Variants in OR2T11 observed in about 807,000 individuals in gnomAD.
OR2T11 encodes olfactory receptor family 2 subfamily T member 11.
OR2T11 carries 14 observed loss-of-function variants against 13.5 expected under a neutral mutation model. That is an observed-to-expected ratio of 1.04 (90% CI 0.69 to 1.62). OR2T11 has a LOEUF of 1.62. OR2T11 is among the 40% of genes most tolerant of loss of function. The probability of loss-of-function intolerance (pLI) is 0.00; values close to 1 mark genes in which losing one functional copy is unlikely to be tolerated. For synonymous variants in OR2T11, 163 were observed against 154.6 expected, an observed-to-expected ratio of 1.05 and a Z score of -0.40; for missense variants, 410 against 389.7, an observed-to-expected ratio of 1.05 and a Z score of -0.44.
chr1:248,626,702 C>A lies in OR2T11; in HGVS notation c.427G>T (p.Ala143Ser), dbSNP rs755765980. The A allele has an allele frequency of 4.4e-6, 7 of 1,573,340 alleles. No individual in the cohort carries two copies. The highest frequency in any genetic ancestry group is 5.2e-6 in the Non-Finnish European group (6 of 1,157,058). Residue 143 changes from alanine (A) to serine (S), a missense_variant, in exon 2 of 2, where the codon GCT becomes TCT. By Grantham distance (99) the Ala-to-Ser change is moderately conservative. Coordinates refer to ENST00000641193, the MANE Select transcript of OR2T11 (RefSeq NM_001001964.2). ...AGGGAGCCCCCAAACCAGGCACCAG[C>A]AGCCAGCAAAAGACACTTCTTGCGG... The part of the protein sequence containing the change: ...MNRKKCLLLA[A>S]GAWFGGSLDG...
chr1:248,634,479 A>G (rs1250912847), intron 1 of OR2T11, among the ~76,000 whole-genome samples: 1 of 143,138 alleles, frequency 7.0e-6, no homozygotes, highest in African/African-American at 2.8e-5. Context: ...AGTGTGTGAC[A>G]TGGTCACGGG....
At position 248,626,188 on chromosome 1, in the gene OR2T11, C is replaced by T. The variant is rs1558171706; in HGVS notation, c.941G>A (p.Ser314Asn). Residue 314 changes from serine to asparagine, a missense_variant, in exon 2 of 2, where the codon AGT becomes AAT. Physicochemically the swap from Ser to Asn is conservative, Grantham distance 46. Transcript: ENST00000641193. ...CCSSAQKVAT[S>N]DA Reference sequence around the variant, plus strand: ...CTGGGCAGTGACTCTCTAAGCATCACTTGTTGCTACTTTCTGAGCAGATGA... The same window carrying T: ...CTGGGCAGTGACTCTCTAAGCATCATTTGTTGCTACTTTCTGAGCAGATGA... The T allele has an allele frequency of 6.7e-7, 1 of 1,496,464 alleles. No individual in the cohort carries two copies. The highest frequency in any genetic ancestry group is 9.2e-7 in the Non-Finnish European group (1 of 1,088,226). 92.7% of individuals were successfully genotyped at this position (1,496,464 alleles called of 1,614,324 possible). A position where few individuals can be genotyped will look rare whatever the true frequency, so the allele number is the denominator to read the frequency against.
chr1:248,633,509 G>C (rs575352701), intron 1 of OR2T11, among the ~76,000 whole-genome samples: 7 of 140,646 alleles, frequency 5.0e-5, no homozygotes, highest in African/African-American at 2.0e-4. Flanking sequence ...CCCTGCCTTG[G>C]GCCAAAATTA....
In OR2T11 at chr1:248,627,202, A is replaced by G; in HGVS notation, c.-74T>C. 3 of 873,004 alleles carry G rather than the reference A, an allele frequency of 3.4e-6. 1 individual carries two copies. Among genetic ancestry groups the G allele is most frequent in the African/African-American group, 3.8e-5 (2 of 52,818 alleles). The allele number at this position is 873,004 out of a possible 1,614,324, so 54.1% of individuals were successfully genotyped here. ...GGAAGGAGGCAAGAGAACACGGTCA[A>G]GATGGGAAAGGTCTGCAGTAGAGGT... On this transcript the variant is annotated 5_prime_UTR_variant, in exon 2 of 2. Transcript: ENST00000641193.
At chr1:248,634,814 G>A (rs1423387700) in intron 1 of OR2T11, among the ~76,000 whole-genome samples, 2 of 143,278 alleles carry the variant, frequency 1.4e-5, no homozygotes, top group Non-Finnish European at 3.0e-5. Flanking sequence ...GGATACAGAG[G>A]TCTGCGTTTT....
At position 248,623,695 on chromosome 1, in the gene OR2T11, G is replaced by A. The variant is rs1393967306; in HGVS notation, c.*2483C>T. The A allele has an allele frequency of 7.0e-6, 1 of 143,070 alleles. No individual in the cohort carries two copies. Among genetic ancestry groups the A allele is most frequent in the East Asian group, 2.0e-4 (1 of 4,960 alleles). The allele number at this position is 143,070 out of a possible 1,614,324, so 8.9% of individuals were successfully genotyped here. A position where few individuals can be genotyped will look rare whatever the true frequency, so the allele number is the denominator to read the frequency against. On this transcript the variant is annotated 3_prime_UTR_variant, in exon 2 of 2. Transcript: ENST00000641193. ...TTCACAAAGGAATAAGTTTGTAGTAGTAACAGCAGTTGCTGCTGTTATTTT... is the reference window on the plus strand; with the variant it reads ...TTCACAAAGGAATAAGTTTGTAGTAATAACAGCAGTTGCTGCTGTTATTTT...
intron 1 of OR2T11, among the ~76,000 whole-genome samples, chr1:248,629,177 C>A (rs551701558): frequency 7.0e-6 from 1 of 142,434 alleles, no homozygotes; most frequent in South Asian, 2.2e-4. Flanking sequence ...GAGGCCAGGG[C>A]GGAAGGATCA....
At chr1:248,627,874 GTTC>G (rs1220872940) in intron 1 of OR2T11, among the ~76,000 whole-genome samples, 1 of 143,348 alleles carries the variant, frequency 7.0e-6, no homozygotes, top group Non-Finnish European at 1.5e-5. Flanking sequence ...ACTCCTCACT[GTTC>G]TTTGTGCTGT....
chr1:248,628,267 T>C (rs1660550767), intron 1 of OR2T11, among the ~76,000 whole-genome samples: 1 of 143,338 alleles, frequency 7.0e-6, no homozygotes, highest in Non-Finnish European at 1.5e-5. Flanking sequence ...GGAAGATAGA[T>C]TTAACTGTTA....
chr1:248,624,312 T>C lies in OR2T11; in HGVS notation c.*1866A>G, dbSNP rs1451593660. 1.4e-5 allele frequency: 2 copies of C among 142,378 alleles called. No individual in the cohort carries two copies. The highest frequency in any genetic ancestry group is 3.0e-5 in the Non-Finnish European group (2 of 66,268). The allele number at this position is 142,378 out of a possible 1,614,324, so 8.8% of individuals were successfully genotyped here. ...ATACTCCATTTCCTTTACAAAAAAATCTAAAAATTCATACTCAACTTACCT... is the reference window on the plus strand; with the variant it reads ...ATACTCCATTTCCTTTACAAAAAAACCTAAAAATTCATACTCAACTTACCT... On this transcript the variant is annotated 3_prime_UTR_variant, in exon 2 of 2. Transcript: ENST00000641193.
At chr1:248,631,068 T>G (rs1256205433) in intron 1 of OR2T11, among the ~76,000 whole-genome samples, 2 of 141,978 alleles carry the variant, frequency 1.4e-5, no homozygotes, top group African/African-American at 5.6e-5. Flanking sequence ...AAGAAATAGA[T>G]TATCTCCTAA....
rs386370411 is a variant in OR2T11, at chr1:248,630,023, G to GTT, written c.-144-2752_-144-2751insAA. ...AGGATTTGTGCCTATTTTGTTAACTGTACTCTCACCATCTAAAGATACGAC... is the reference window on the plus strand; with the variant it reads ...AGGATTTGTGCCTATTTTGTTAACTGTTTACTCTCACCATCTAAAGATACGAC... On this transcript the variant is annotated intron_variant, in intron 1 of 1. Coordinates refer to ENST00000641193, the MANE Select transcript of OR2T11 (RefSeq NM_001001964.2). 1.4e-5 allele frequency among the ~76,000 whole-genome samples: 2 copies of GTT among 142,688 alleles called. 1 individual carries two copies. The highest frequency in any genetic ancestry group is 5.5e-5 in the African/African-American group (2 of 36,276). 93.6% of individuals were successfully genotyped at this position (142,688 alleles called of 152,430 possible).
rs1264135004 is a variant in OR2T11, at chr1:248,623,962, T to A, written c.*2216A>T. 7.0e-6 allele frequency: 1 copy of A among 141,894 alleles called. No homozygotes were observed. The highest frequency in any genetic ancestry group is 1.5e-5 in the Non-Finnish European group (1 of 65,836). The allele number at this position is 141,894 out of a possible 1,614,324, so 8.8% of individuals were successfully genotyped here. On this transcript the variant is annotated 3_prime_UTR_variant, in exon 2 of 2. Coordinates refer to ENST00000641193, the MANE Select transcript of OR2T11 (RefSeq NM_001001964.2). Reference sequence around the variant, plus strand: ...CAAACTTTTGACGGGACCACCCTGATCTTTACTCATAGACGCTCTCATTGA... The same window carrying A: ...CAAACTTTTGACGGGACCACCCTGAACTTTACTCATAGACGCTCTCATTGA...
At chr1:248,628,693 C>T (rs533207935) in intron 1 of OR2T11, among the ~76,000 whole-genome samples, 1 of 142,706 alleles carries the variant, frequency 7.0e-6, no homozygotes, top group South Asian at 2.2e-4. Flanking sequence ...GAAAAGTGAC[C>T]AGTAGAATCA....
intron 1 of OR2T11, among the ~76,000 whole-genome samples, chr1:248,631,113 C>T (rs1290271973): frequency 2.8e-5 from 4 of 143,222 alleles, no homozygotes; most frequent in East Asian, 4.0e-4. Context: ...TTCCCAACAT[C>T]GTGATTTCAG....
In OR2T11 at chr1:248,631,946, A is replaced by C. The variant is rs1273300821; in HGVS notation, c.-145+3092T>G. ...CTGTACGTACTATTCCCTGTTGGGG[A>C]TCTGAGATTTGAAGATCTCTGTAAT... is the stretch of plus-strand genomic sequence containing the variant. On this transcript the variant is annotated intron_variant, in intron 1 of 1. Transcript: ENST00000641193. Among the ~76,000 whole-genome samples the C allele has an allele frequency of 2.8e-5, 4 of 143,264 alleles. 1 individual carries two copies. The highest frequency in any genetic ancestry group is 6.0e-5 in the Non-Finnish European group (4 of 66,400). The allele number at this position is 143,264 out of a possible 152,430, so 94.0% of individuals were successfully genotyped here.
At chr1:248,630,067 TGA>T (rs1660583059) in intron 1 of OR2T11, among the ~76,000 whole-genome samples, 1 of 139,918 alleles carries the variant, frequency 7.1e-6, no homozygotes, top group African/African-American at 2.8e-5. Context: ...TGTAAATCTT[TGA>T]ATAAATCATT....
At position 248,626,838 on chromosome 1, in the gene OR2T11, C is replaced by A. The variant is rs781660238; in HGVS notation, c.291G>T (p.Gln97His). The A allele has an allele frequency of 5.7e-6, 9 of 1,572,386 alleles. No homozygotes were observed. Among genetic ancestry groups the A allele is most frequent in the Non-Finnish European group, 7.8e-6 (9 of 1,156,342 alleles). ...CAATCATGGTCAGGTAGAGGAAGAT[C>A]TGGATGCCACAGGCCACAAAGGAAA... ...KIISFVACGI[Q>H]IFLYLTMIGS... The change falls in exon 2 of 2, where the codon CAG (glutamine) becomes CAT (histidine). Residue 97 changes from glutamine (Q) to histidine (H), a missense_variant. Gln to His is a conservative substitution (Grantham distance 24, BLOSUM62 0). Coordinates refer to ENST00000641193, the MANE Select transcript of OR2T11 (RefSeq NM_001001964.2).
intron 1 of OR2T11, among the ~76,000 whole-genome samples, chr1:248,633,468 C>CAA (rs1418756705): frequency 7.4e-5 from 2 of 26,978 alleles, no homozygotes; most frequent in Non-Finnish European, 2.0e-4. Context: ...TACAATCTTT[C>CAA]AAATTACACA....
Sources: gnomAD v4.1 joint callset for allele counts (sites outside exome capture counted in the v4.1 genomes callset) on GRCh38, gnomAD v4.1.1 for gene constraint, MANE v1.5 for transcripts, NCBI Gene and HGNC (gene_info 2026-07-23, HGNC 2026-07-21) for gene names.